The following DOK1 variants were observed in gnomAD, a reference collection of about 807,000 sequenced individuals.
The protein encoded by DOK1 is docking protein 1.
A neutral mutation model predicts 24.0 loss-of-function variants in DOK1; 12 were observed. The ratio of observed to expected loss-of-function variants is 0.50; its 90% CI spans 0.32 to 0.81. DOK1 has a LOEUF of 0.81. Among genes scored for constraint, DOK1 ranks in the 30% least tolerant of loss-of-function variants. DOK1 has a pLI of 0.03. For synonymous variants in DOK1, 250 were observed against 260.9 expected (o/e 0.96, Z 0.40); for missense variants, 591 against 620.7 (o/e 0.95, Z 0.51).
At position 74,557,105 on chromosome 2, in the gene DOK1, C is replaced by A. The variant is rs377028564; in HGVS notation, c.1437C>A (p.Gly479=). 9 of 1,605,538 alleles carry A rather than the reference C, an allele frequency of 5.6e-6. No homozygotes were observed. Among genetic ancestry groups the A allele is most frequent in the African/African-American group, 1.3e-5 (1 of 74,618 alleles). The change falls in exon 5 of 5, where the codon GGC becomes GGA. Residue 479 remains glycine, a synonymous_variant. Transcript: ENST00000233668. ...ACAAGACTGGGGTCAAGTCAGAGGG[C>A]TCTACCTGAGAAGGACGGCAAGGCT... The part of the protein sequence containing the change: ...GTDKTGVKSE[G]ST
rs946056051 is a variant in DOK1, at chr2:74,549,139, G to T, written c.-391G>T. ...GCCTGCCCGCCCAGGCGTCGGCCAC[G>T]AGAGAGCGGGAGCCTCGCTGGTCCC... On this transcript the variant is annotated 5_prime_UTR_variant, in exon 1 of 5. Coordinates refer to the DOK1 transcript ENST00000409429. This position sits in a 1 kb window ranked among gnomAD's most constrained non-coding sequence, Gnocchi z 5.3. 2 of 413,882 alleles carry T rather than the reference G, an allele frequency of 4.8e-6. No individual in the cohort carries two copies. The highest frequency in any genetic ancestry group is 4.6e-5 in the Admixed American group (1 of 21,868). The allele number at this position is 413,882 out of a possible 1,614,324, so 25.6% of individuals were successfully genotyped here.
rs548684045 is a variant in DOK1, at chr2:74,557,300, A to G, written c.*186A>G. On this transcript the variant is annotated 3_prime_UTR_variant, in exon 5 of 5. Transcript: ENST00000233668. ...CAGGAAGTCCTAAGAAGTGGGGCAG[A>G]TGGCAGGGCTGAGGATGGGCTCTGC... 4.9e-6 allele frequency: 3 copies of G among 609,178 alleles called. No individual in the cohort carries two copies. Among genetic ancestry groups the G allele is most frequent in the East Asian group, 2.8e-5 (1 of 35,466 alleles). The allele number at this position is 609,178 out of a possible 1,614,324, so 37.7% of individuals were successfully genotyped here.
At chr2:74,549,776 T>C, upstream of DOK1, 1 of 1,425,852 alleles carries the variant, frequency 7.0e-7, no homozygotes, top group Non-Finnish European at 9.2e-7. This position sits in a 1 kb window ranked among gnomAD's most constrained non-coding sequence, Gnocchi z 5.3. Flanking sequence ...GCGCGTGGGA[T>C]GTGCTGTGCT....
rs777924338 is a variant in DOK1 at position 74,554,870 on chromosome 2, C to T, written c.60+56C>T. Reference sequence around the variant, plus strand: ...CCGGGCTAGTAGTGGGTGAGAGAGCCCAGAAACAGGGAGAGGTGGGCAGCG... The same window carrying T: ...CCGGGCTAGTAGTGGGTGAGAGAGCTCAGAAACAGGGAGAGGTGGGCAGCG... On this transcript the variant is annotated intron_variant, in intron 1 of 4. Transcript: ENST00000233668. This position sits in a 1 kb window ranked among gnomAD's most constrained non-coding sequence, Gnocchi z 4.9. 1 of 1,605,820 alleles carries T rather than the reference C, an allele frequency of 6.2e-7. No individual in the cohort carries two copies. The highest frequency in any genetic ancestry group is 8.5e-7 in the Non-Finnish European group (1 of 1,176,158).
At chr2:74,552,726 C>T (rs1217275410), upstream of DOK1, 25 of 1,276,886 alleles carry the variant, frequency 2.0e-5, no homozygotes, top group African/African-American at 3.0e-5. Flanking sequence ...GGAGAAGTCA[C>T]GAAAGAAAAA....
At chr2:74,552,304 G>A (rs778123762), upstream of DOK1, 73 of 1,585,172 alleles carry the variant, frequency 4.6e-5, no homozygotes, top group Admixed American at 1.2e-3. Flanking sequence ...TCTAGGATAT[G>A]CCTGGATCAT....
upstream of DOK1, chr2:74,550,139 C>T (rs779680225): frequency 2.0e-5 from 32 of 1,578,920 alleles, no homozygotes; most frequent in African/African-American, 1.9e-4. Context: ...ACAGTACTCT[C>T]GGCTATCCTG....
Position 74,555,122 on chromosome 2 carries a change from C to G in DOK1, c.61-32C>G, listed in dbSNP as rs1395086574. On this transcript the variant is annotated intron_variant, in intron 1 of 4. Transcript: ENST00000233668. This position sits in a 1 kb window ranked among gnomAD's most constrained non-coding sequence, Gnocchi z 6.1. The stretch of plus-strand genomic sequence containing the variant: ...GGACCCGGGCCGCCTGCGCACGCCA[C>G]TCCCTCTCGAGCACTCTCTCTCTCT... The G allele has an allele frequency of 6.3e-7, 1 of 1,587,074 alleles. No homozygotes were observed. The highest frequency in any genetic ancestry group is 8.6e-7 in the Non-Finnish European group (1 of 1,165,632).
chr2:74,552,943 C>A, upstream of DOK1: 1 of 343,152 alleles, frequency 2.9e-6, no homozygotes, highest in Non-Finnish European at 5.3e-6. Flanking sequence ...GAGCAAGAGA[C>A]ACGTAGAGAG....
At position 74,556,896 on chromosome 2, in the gene DOK1, G is replaced by A. The variant is rs1431055720; in HGVS notation, c.1228G>A (p.Ala410Thr). The A allele has an allele frequency of 1.1e-5, 18 of 1,614,164 alleles. No homozygotes were observed. Among genetic ancestry groups the A allele is most frequent in the East Asian group, 6.7e-5 (3 of 44,878 alleles). Residue 410 changes from alanine to threonine, a missense_variant, in exon 5 of 5, where the codon GCT becomes ACT. Transcript: ENST00000233668. This position sits in a 1 kb window ranked among gnomAD's most constrained non-coding sequence, Gnocchi z 4.1. ...CTACAACCCTGCCACTGATGACTAC[G>A]CTGTGCCACCCCCTCGGAGCACAAA... ...LPYNPATDDYAVPPPRSTKPL... is the reference protein window; with the variant it reads ...LPYNPATDDYTVPPPRSTKPL...
chr2:74,549,514 G>T lies in DOK1; in HGVS notation c.-358+342G>T, dbSNP rs1024273215. ...ACTTCCACCAGCCCCTCCGTCACGG[G>T]CAGGGGTCGTCTGCCCCACCCAACG... On this transcript the variant is annotated intron_variant, in intron 1 of 4. Coordinates refer to the DOK1 transcript ENST00000409429. This position sits in a 1 kb window ranked among gnomAD's most constrained non-coding sequence, Gnocchi z 5.3. 1.3e-5 allele frequency: 21 copies of T among 1,613,510 alleles called. No homozygotes were observed. In the Admixed American group the frequency reaches 3.2e-4, roughly 24 times the overall value.
At chr2:74,554,494 G>T, upstream of DOK1, 2 of 549,534 alleles carry the variant, frequency 3.6e-6, no homozygotes, top group South Asian at 2.2e-5. The surrounding 1 kb of genome is among the most constrained non-coding windows in gnomAD (Gnocchi z 4.9). Context: ...CAGGGCCCTC[G>T]CGCCAAAACC....
rs1477987156 is a variant in DOK1, at chr2:74,554,965, G to A, written c.60+151G>A. 6.9e-7 allele frequency: 1 copy of A among 1,443,340 alleles called. No individual in the cohort carries two copies. The highest frequency in any genetic ancestry group is 9.5e-7 in the Non-Finnish European group (1 of 1,052,978). The allele number at this position is 1,443,340 out of a possible 1,614,324, so 89.4% of individuals were successfully genotyped here. ...GTGAAGTTGCTTTGCACACTCCCGG[G>A]AAGCGTCTGTAGTCTAGGGGTTCTG... On this transcript the variant is annotated intron_variant, in intron 1 of 4. Transcript: ENST00000233668. This position sits in a 1 kb window ranked among gnomAD's most constrained non-coding sequence, Gnocchi z 4.9.
In DOK1 at chr2:74,554,866, G is replaced by T; in HGVS notation, c.60+52G>T. On this transcript the variant is annotated intron_variant, in intron 1 of 4. Coordinates refer to ENST00000233668, the MANE Select transcript of DOK1 (RefSeq NM_001381.5). This position sits in a 1 kb window ranked among gnomAD's most constrained non-coding sequence, Gnocchi z 4.9. ...TTATCCGGGCTAGTAGTGGGTGAGA[G>T]AGCCCAGAAACAGGGAGAGGTGGGC... 1 of 1,607,966 alleles carries T rather than the reference G, an allele frequency of 6.2e-7. No individual in the cohort carries two copies. Among genetic ancestry groups the T allele is most frequent in the Non-Finnish European group, 8.5e-7 (1 of 1,177,148 alleles).
chr2:74,556,072 G>T lies in DOK1; in HGVS notation c.633G>T (p.Arg211=). The T allele has an allele frequency of 6.3e-7, 1 of 1,592,166 alleles. No individual in the cohort carries two copies. Among genetic ancestry groups the T allele is most frequent in the Non-Finnish European group, 8.6e-7 (1 of 1,167,374 alleles). Reference sequence around the variant, plus strand: ...ACACTCTGTTGCGTCGCTATGGCCGGGACAAGGTGCAGGGGCTGTCCGGGA... The same window carrying T: ...ACACTCTGTTGCGTCGCTATGGCCGTGACAAGGTGCAGGGGCTGTCCGGGA... ...WPYTLLRRYG[R]DKVMFSFEAG... The change falls in exon 4 of 5, where the codon CGG becomes CGT. Residue 211 remains arginine (R), a synonymous_variant. Transcript: ENST00000233668. This position sits in a 1 kb window ranked among gnomAD's most constrained non-coding sequence, Gnocchi z 4.1.
chr2:74,555,360 C>G lies in DOK1; in HGVS notation c.267C>G (p.Phe89Leu), dbSNP rs369712640. The G allele has an allele frequency of 1.9e-5, 31 of 1,613,784 alleles. No homozygotes were observed. Among genetic ancestry groups the G allele is most frequent in the Non-Finnish European group, 2.5e-5 (30 of 1,179,948 alleles). ...CCCCTGAGCCCGGCGCCACTGCCTT[C>G]CGCCTGGACACTGCTCAGCGCTCGC... Reference protein sequence around the residue: ...ETPPEPGATAFRLDTAQRSHL... With the variant: ...ETPPEPGATALRLDTAQRSHL... Residue 89 changes from phenylalanine (F) to leucine (L), a missense_variant, in exon 2 of 5, where the codon TTC becomes TTG. Phe to Leu is a conservative substitution (Grantham distance 22). Coordinates refer to ENST00000233668, the MANE Select transcript of DOK1 (RefSeq NM_001381.5). This position sits in a 1 kb window ranked among gnomAD's most constrained non-coding sequence, Gnocchi z 6.1.
In DOK1 at chr2:74,549,200, C is replaced by T. The variant is rs995821186; in HGVS notation, c.-358+28C>T. 2.1e-5 allele frequency: 15 copies of T among 710,664 alleles called. No individual in the cohort carries two copies. The highest frequency in any genetic ancestry group is 2.6e-5 in the Non-Finnish European group (12 of 461,362). 44.0% of individuals were successfully genotyped at this position (710,664 alleles called of 1,614,324 possible). A position where few individuals can be genotyped will look rare whatever the true frequency, so the allele number is the denominator to read the frequency against. ...ACTCCCTTGGGGCACCTTTCGTGGTCCCACAAGATTTCCCAACTCTCCAGC... is the reference window on the plus strand; with the variant it reads ...ACTCCCTTGGGGCACCTTTCGTGGTTCCACAAGATTTCCCAACTCTCCAGC... On this transcript the variant is annotated intron_variant, in intron 1 of 4. Transcript: ENST00000409429. This position sits in a 1 kb window ranked among gnomAD's most constrained non-coding sequence, Gnocchi z 5.3.
At chr2:74,550,373 A>C, upstream of DOK1, 1 of 1,607,756 alleles carries the variant, frequency 6.2e-7, no homozygotes, top group Non-Finnish European at 8.5e-7. Flanking sequence ...ATGAAGGGAC[A>C]GAGAAGCTTG....
Position 74,556,472 on chromosome 2 carries a change from C to T in DOK1, c.804C>T (p.Asp268=), listed in dbSNP as rs758566689. Residue 268 remains aspartate (D), a synonymous_variant, in exon 5 of 5, where the codon GAC becomes GAT. Transcript: ENST00000233668. This position sits in a 1 kb window ranked among gnomAD's most constrained non-coding sequence, Gnocchi z 4.1. ...AGGGGCACGATGTTCTCAGAGCTGA[C>T]TCCCATGAAGGGGAGGTGGCAGAGG... The part of the protein sequence containing the change: ...AGQGHDVLRA[D]SHEGEVAEGK... The T allele has an allele frequency of 3.7e-6, 6 of 1,614,088 alleles. No homozygotes were observed. The highest frequency in any genetic ancestry group is 5.1e-6 in the Non-Finnish European group (6 of 1,180,042).
Sources: gnomAD v4.1 joint callset for allele counts on GRCh38, gnomAD v4.1.1 for gene constraint, Gnocchi (gnomAD v3.1) non-coding constraint, MANE v1.5 for transcripts, NCBI Gene and HGNC (gene_info 2026-07-23, HGNC 2026-07-21) for gene names.